CRMP1: variants seen among roughly 807,000 people sequenced by gnomAD.
The protein encoded by CRMP1 is dihydropyrimidinase-related protein 1.
A neutral mutation model predicts 68.3 loss-of-function variants in CRMP1; 19 were observed. That is an observed-to-expected ratio of 0.28 (90% CI 0.19 to 0.41). CRMP1 has a LOEUF of 0.41. CRMP1 is among the 10% of genes least tolerant of loss of function. The pLI is 1.00. For missense variants in CRMP1, 791 were observed against 967.4 expected (o/e 0.82, Z 2.42); for synonymous variants, 439 against 399.6 (o/e 1.10, Z -1.18).
Position 5,828,475 on chromosome 4 carries a change from G to A in CRMP1, c.1803+14C>T, listed in dbSNP as rs1577738986. ...GTCCCACGGGTGGGCCCGCTCCCCT[G>A]CAGACACACTCACCTTATTCCTGAT... On this transcript the variant is annotated intron_variant, in intron 12 of 13. Coordinates refer to ENST00000324989, the MANE Select transcript of CRMP1 (RefSeq NM_001014809.3). 1 of 1,611,590 alleles carries A rather than the reference G, an allele frequency of 6.2e-7. No individual in the cohort carries two copies. Among genetic ancestry groups the A allele is most frequent in the East Asian group, 2.2e-5 (1 of 44,784 alleles).
At chr4:5,852,205 G>A (rs767158557) in intron 4 of CRMP1, among the ~76,000 whole-genome samples, 3 of 152,248 alleles carry the variant, frequency 2.0e-5, no homozygotes, top group Non-Finnish European at 4.4e-5. Flanking sequence ...CATCAACAGT[G>A]ACAGCTGCTC....
rs1464172667 is a variant in CRMP1, at chr4:5,842,257, A to T, written c.1033-829T>A. ...TGTCTCAAAAACAAACAAAACAAAC[A>T]AACAAAAAACACAAATTAGCCAGGC... On this transcript the variant is annotated intron_variant, in intron 7 of 13. Transcript: ENST00000324989. This position sits in a 1 kb window ranked among gnomAD's most constrained non-coding sequence, Gnocchi z 4.5. 6.6e-6 allele frequency among the ~76,000 whole-genome samples: 1 copy of T among 151,466 alleles called. No homozygotes were observed. The highest frequency in any genetic ancestry group is 1.5e-5 in the Non-Finnish European group (1 of 67,876).
At chr4:5,875,634 T>A (rs961620972) in intron 1 of CRMP1, among the ~76,000 whole-genome samples, 1 of 152,056 alleles carries the variant, frequency 6.6e-6, no homozygotes, top group African/African-American at 2.4e-5. Context: ...AAGGGAAACA[T>A]TCCAGCCAAA....
intron 1 of CRMP1, among the ~76,000 whole-genome samples, chr4:5,886,801 C>T (rs1358957578): frequency 6.6e-6 from 1 of 152,222 alleles, no homozygotes; most frequent in Non-Finnish European, 1.5e-5. Flanking sequence ...TCTCACATTG[C>T]CCAGGAGGAA....
chr4:5,875,919 G>A (rs188879271), intron 1 of CRMP1, among the ~76,000 whole-genome samples: 2 of 152,206 alleles, frequency 1.3e-5, no homozygotes, highest in African/African-American at 2.4e-5. Flanking sequence ...TTGGGAGGCC[G>A]AAGCGGGTGG....
chr4:5,832,172 TGA>T (rs1410329961), intron 11 of CRMP1, among the ~76,000 whole-genome samples: 1 of 151,894 alleles, frequency 6.6e-6, no homozygotes, highest in Non-Finnish European at 1.5e-5. Context: ...GGAATGGGGG[TGA>T]GAGAGAGGGA....
At position 5,842,390 on chromosome 4, in the gene CRMP1, CT is replaced by C. The variant is rs1405745912; in HGVS notation, c.1032+702del. Among the ~76,000 whole-genome samples the C allele has an allele frequency of 6.8e-6, 1 of 147,346 alleles. No homozygotes were observed. On this transcript the variant is annotated intron_variant, in intron 7 of 13. Coordinates refer to ENST00000324989, the MANE Select transcript of CRMP1 (RefSeq NM_001014809.3). The surrounding 1 kb of genome is among the most constrained non-coding windows in gnomAD (Gnocchi z 4.5). ...GCTGCAGTGAACCGAGATCATACCA[CT>C]GCACTGTAGCCTGGGCAACAGAGAG...
At chr4:5,863,842 C>T (rs1713775734) in intron 2 of CRMP1, among the ~76,000 whole-genome samples, 1 of 152,088 alleles carries the variant, frequency 6.6e-6, no homozygotes, top group African/African-American at 2.4e-5. Flanking sequence ...CGAGGTGGTC[C>T]CCGGCTCTTC....
In CRMP1 at chr4:5,888,308, G is replaced by A; in HGVS notation, c.381+4281C>T. 1 of 1,251,774 alleles carries A rather than the reference G, an allele frequency of 8.0e-7. No individual in the cohort carries two copies. The highest frequency in any genetic ancestry group is 1.0e-6 in the Non-Finnish European group (1 of 992,574). 77.5% of individuals were successfully genotyped at this position (1,251,774 alleles called of 1,614,324 possible). A position where few individuals can be genotyped will look rare whatever the true frequency, so the allele number is the denominator to read the frequency against. Reference sequence around the variant, plus strand: ...CTCGGCCCGGCCGCTGACCTGCGGGGCTGTCTGACTGGAACCGGCGCTCTC... The same window carrying A: ...CTCGGCCCGGCCGCTGACCTGCGGGACTGTCTGACTGGAACCGGCGCTCTC... On this transcript the variant is annotated intron_variant, in intron 1 of 13. Coordinates refer to ENST00000324989, the MANE Select transcript of CRMP1 (RefSeq NM_001014809.3). The surrounding 1 kb of genome is among the most constrained non-coding windows in gnomAD (Gnocchi z 6.4).
intron 3 of CRMP1, among the ~76,000 whole-genome samples, chr4:5,857,269 C>A (rs1189132476): frequency 1.3e-5 from 2 of 151,304 alleles, no homozygotes; most frequent in Non-Finnish European, 2.9e-5. Flanking sequence ...CATTATCACC[C>A]CATCATCATC....
At chr4:5,882,600 C>T (rs1162198949) in intron 1 of CRMP1, among the ~76,000 whole-genome samples, 1 of 152,178 alleles carries the variant, frequency 6.6e-6, no homozygotes, top group Non-Finnish European at 1.5e-5. Context: ...GATTTCCAAA[C>T]ATAAATCTGT....
chr4:5,829,151 C>CACTT (rs1251480976), intron 11 of CRMP1, among the ~76,000 whole-genome samples: 1 of 152,176 alleles, frequency 6.6e-6, no homozygotes, highest in Non-Finnish European at 1.5e-5. Flanking sequence ...ACGATATCGG[C>CACTT]ACTTACCCCC....
rs192111308 is a variant in CRMP1, at chr4:5,825,039, G to C, written c.1969+455C>G. On this transcript the variant is annotated intron_variant, in intron 13 of 13. Coordinates refer to ENST00000324989, the MANE Select transcript of CRMP1 (RefSeq NM_001014809.3). This position sits in a 1 kb window ranked among gnomAD's most constrained non-coding sequence, Gnocchi z 4.4. ...GGGTATAATGTTACTTTATGGAGTA[G>C]TGAGGATAAAATAAAATCATGGGTT... 3.0e-6 allele frequency: 3 copies of C among 985,138 alleles called. No individual in the cohort carries two copies. Among genetic ancestry groups the C allele is most frequent in the Non-Finnish European group, 3.6e-6 (3 of 829,810 alleles). The allele number at this position is 985,138 out of a possible 1,614,324, so 61.0% of individuals were successfully genotyped here.
rs1158295928 is a variant in CRMP1 at position 5,870,240 on chromosome 4, C to A, written c.382-3484G>T. Among the ~76,000 whole-genome samples, 1 of 152,228 alleles carries A rather than the reference C, an allele frequency of 6.6e-6. No individual in the cohort carries two copies. Among genetic ancestry groups the A allele is most frequent in the Non-Finnish European group, 1.5e-5 (1 of 68,032 alleles). The stretch of plus-strand genomic sequence containing the variant: ...GCTCGACTTCCCCTGTTTGGGACAA[C>A]ACACACCACCACCCTGCCAGCTGGC... On this transcript the variant is annotated intron_variant, in intron 1 of 13. Transcript: ENST00000324989. This position sits in a 1 kb window ranked among gnomAD's most constrained non-coding sequence, Gnocchi z 6.0.
Position 5,892,881 on chromosome 4 carries a change from T to C in CRMP1, c.89A>G (p.Gln30Arg), listed in dbSNP as rs1419333268. The change falls in exon 1 of 14, where the codon CAG becomes CGG. Residue 30 changes from glutamine (Q) to arginine (R), a missense_variant. By Grantham distance (43) the Gln-to-Arg change is conservative. Transcript: ENST00000324989. This position sits in a 1 kb window ranked among gnomAD's most constrained non-coding sequence, Gnocchi z 8.6. Reference sequence around the variant, plus strand: ...CGCGGCGAACATGCCGCCGTACTTCTGGCGCGGGGTCTGCGCCGCGCTGCC... The same window carrying C: ...CGCGGCGAACATGCCGCCGTACTTCCGGCGCGGGGTCTGCGCCGCGCTGCC... ...RPGSAAQTPR[Q>R]KYGGMFAAVE... The C allele has an allele frequency of 7.1e-7, 1 of 1,410,426 alleles. No individual in the cohort carries two copies. Among genetic ancestry groups the C allele is most frequent in the Non-Finnish European group, 9.3e-7 (1 of 1,073,304 alleles). The allele number at this position is 1,410,426 out of a possible 1,614,324, so 87.4% of individuals were successfully genotyped here. A position where few individuals can be genotyped will look rare whatever the true frequency, so the allele number is the denominator to read the frequency against.
rs764855735 is a variant in CRMP1, at chr4:5,821,825, T to C, written c.1996A>G (p.Arg666Gly). 1 of 1,607,948 alleles carries C rather than the reference T, an allele frequency of 6.2e-7. No individual in the cohort carries two copies. The highest frequency in any genetic ancestry group is 1.7e-5 in the Admixed American group (1 of 59,676). The change falls in exon 14 of 14, where the codon AGG (arginine) becomes GGG (glycine). Residue 666 changes from arginine to glycine, a missense_variant. Around this residue, in one of 3 missense-constraint regions of CRMP1, gnomAD observed 594 missense variants for 763.6 expected, o/e 0.78. Coordinates refer to ENST00000324989, the MANE Select transcript of CRMP1 (RefSeq NM_001014809.3). This position sits in a 1 kb window ranked among gnomAD's most constrained non-coding sequence, Gnocchi z 4.4. ...GCCACGATGCGGTGGCCGGTGCGCCTGGGATTGTTGTCATCTATCTGGGCA... is the reference window on the plus strand; with the variant it reads ...GCCACGATGCGGTGGCCGGTGCGCCCGGGATTGTTGTCATCTATCTGGGCA... The part of the protein sequence containing the change: ...SGAQIDDNNP[R>G]RTGHRIVAPP...
At chr4:5,837,776 G>C (rs746275558) in intron 9 of CRMP1, among the ~76,000 whole-genome samples, 1 of 152,132 alleles carries the variant, frequency 6.6e-6, no homozygotes, top group South Asian at 2.1e-4. Flanking sequence ...CAGAGGCCCA[G>C]GAAATGTTAG....
At chr4:5,851,576 T>G (rs548762794) in intron 4 of CRMP1, 107 bp from the exon 5 acceptor site, 1 of 1,106,126 alleles carries the variant, frequency 9.0e-7, no homozygotes, top group African/African-American at 1.5e-5. Context: ...CCAGGAGAGA[T>G]GAGTGCCATT....
intron 8 of CRMP1, among the ~76,000 whole-genome samples, chr4:5,840,155 C>T (rs1227801661): frequency 6.6e-6 from 1 of 152,158 alleles, no homozygotes; most frequent in Non-Finnish European, 1.5e-5. Flanking sequence ...GGAGATTTCT[C>T]ATCGAGGCAC....
Sources: gnomAD v4.1 joint callset for allele counts (sites outside exome capture counted in the v4.1 genomes callset) on GRCh38, gnomAD v4.1.1 for gene constraint, gnomAD v4.1.1 regional missense constraint, Gnocchi (gnomAD v3.1) non-coding constraint, MANE v1.5 for transcripts, NCBI Gene and HGNC (gene_info 2026-07-23, HGNC 2026-07-21) for gene names.